The following MFSD8 variants were observed in gnomAD, a reference collection of about 807,000 sequenced individuals.
MFSD8 encodes the protein major facilitator superfamily domain containing 8.
A neutral mutation model predicts 66.4 loss-of-function variants in MFSD8; 55 were observed. That is an observed-to-expected ratio of 0.83 (90% confidence interval 0.67 to 1.04). The LOEUF is 1.04. Ranked by LOEUF, MFSD8 falls within the 50% of genes least tolerant of loss-of-function variation. MFSD8 has a pLI of 0.00. For synonymous variants in MFSD8, 202 were observed against 212.8 expected, an observed-to-expected ratio of 0.95 and a Z score of 0.44; for missense variants, 550 against 627.6, an observed-to-expected ratio of 0.88 and a Z score of 1.32.
At chr4:127,950,630 T>C (rs1164046582) in intron 2 of MFSD8, among the ~76,000 whole-genome samples, 1 of 151,448 alleles carries the variant, frequency 6.6e-6, no homozygotes, top group Non-Finnish European at 1.5e-5. Context: ...GCGGAGTAGG[T>C]TGTAGTGAGC....
At chr4:127,958,878 G>C (rs1446806339) in intron 1 of MFSD8, among the ~76,000 whole-genome samples, 1 of 152,084 alleles carries the variant, frequency 6.6e-6, no homozygotes, top group South Asian at 2.1e-4. Flanking sequence ...GATAAAATTA[G>C]AAAATAATAA....
intron 9 of MFSD8, among the ~76,000 whole-genome samples, chr4:127,930,458 G>C (rs531414165): frequency 6.6e-6 from 1 of 152,220 alleles, no homozygotes; most frequent in South Asian, 2.1e-4. Context: ...GGAAAACATA[G>C]TAGACAAAAG....
chr4:127,939,750 A>G, intron 6 of MFSD8, 103 bp downstream of exon 6: 1 of 1,332,708 alleles, frequency 7.5e-7, no homozygotes, highest in South Asian at 1.4e-5. Context: ...TATAGACATA[A>G]AAAACTACGT....
At chr4:127,949,713 A>G in intron 3 of MFSD8, 91 bp downstream of exon 3, 1 of 1,055,836 alleles carries the variant, frequency 9.5e-7, no homozygotes, top group South Asian at 1.4e-5. Context: ...TAAACCATAG[A>G]ATACCAAAGA....
intron 9 of MFSD8, among the ~76,000 whole-genome samples, chr4:127,923,270 T>C (rs549975686): frequency 1.3e-5 from 2 of 152,192 alleles, no homozygotes; most frequent in African/African-American, 4.8e-5. Flanking sequence ...GGGTTTGTCA[T>C]AAATAGCGCT....
intron 1 of MFSD8, among the ~76,000 whole-genome samples, chr4:127,960,266 T>C (rs1057318326): frequency 2.0e-5 from 3 of 152,218 alleles, no homozygotes; most frequent in Non-Finnish European, 4.4e-5. Flanking sequence ...CAGTGGCTCA[T>C]GCCTGTAATC....
chr4:127,960,654 A>G lies in MFSD8; in HGVS notation c.63-3062T>C, dbSNP rs140315740. Among the ~76,000 whole-genome samples, 1,319 of 152,348 alleles carry G rather than the reference A, an allele frequency of 8.7e-3. 23 individuals are homozygous for G. Among genetic ancestry groups the G allele is most frequent in the African/African-American group, 0.03 (1,234 of 41,574 alleles). ...CTATAAAGATATGCCCTATAAGGACAGATGCCCTAATAATACAAATTTTAC... is the reference window on the plus strand; with the variant it reads ...CTATAAAGATATGCCCTATAAGGACGGATGCCCTAATAATACAAATTTTAC... On this transcript the variant is annotated intron_variant, in intron 1 of 11. Transcript: ENST00000641686.
chr4:127,947,898 A>ACACACACTCTCT (rs777137519), intron 3 of MFSD8, among the ~76,000 whole-genome samples: 7 of 146,940 alleles, frequency 4.8e-5, no homozygotes, highest in African/African-American at 1.8e-4. Context: ...ACACACACAC[A>ACACACACTCTCT]CTCTCTCTCC....
intron 7 of MFSD8, among the ~76,000 whole-genome samples, chr4:127,936,434 A>T (rs1739087461): frequency 6.6e-6 from 1 of 151,586 alleles, no homozygotes; most frequent in African/African-American, 2.4e-5. Flanking sequence ...TAATACTAAA[A>T]GTTATTTGTT....
chr4:127,965,491 G>A (rs1744975516), upstream of MFSD8: 3 of 395,634 alleles, frequency 7.6e-6, no homozygotes, highest in South Asian at 4.9e-5. Flanking sequence ...TCCTGGAAAG[G>A]TTACCGGAGC....
intron 3 of MFSD8, among the ~76,000 whole-genome samples, chr4:127,949,326 CT>C (rs1741567542): frequency 6.6e-6 from 1 of 152,188 alleles, no homozygotes; most frequent in Admixed American, 6.5e-5. Context: ...ATGTCACCCC[CT>C]CTTCCCCTTC....
chr4:127,957,670 T>C lies in MFSD8; in HGVS notation c.63-78A>G, dbSNP rs1253582414. ...CTTAAGTGTCAACAGTTTTATTCTCTAGTTATGAAAATGATGTGATAGAGG... is the reference window on the plus strand; with the variant it reads ...CTTAAGTGTCAACAGTTTTATTCTCCAGTTATGAAAATGATGTGATAGAGG... On this transcript the variant is annotated intron_variant, in intron 1 of 11. Coordinates refer to ENST00000641686, the MANE Select transcript of MFSD8 (RefSeq NM_001371596.2). The C allele has an allele frequency of 4.1e-6, 4 of 977,578 alleles. No individual in the cohort carries two copies. In the East Asian group the frequency reaches 9.6e-5, roughly 23 times the overall value. The allele number at this position is 977,578 out of a possible 1,614,324, so 60.6% of individuals were successfully genotyped here.
At chr4:127,934,571 G>GCATT in intron 7 of MFSD8, 1 of 142,638 alleles carries the variant, frequency 7.0e-6, no homozygotes, top group African/African-American at 2.8e-5. Context: ...AATAAGCCAG[G>GCATT]TATTTTTTTT....
chr4:127,960,723 A>G (rs547607541), intron 1 of MFSD8, among the ~76,000 whole-genome samples: 9 of 152,312 alleles, frequency 5.9e-5, no homozygotes, highest in African/African-American at 2.2e-4. Context: ...AATCATTTGT[A>G]ACTTGGATCA....
At chr4:127,954,366 A>G (rs1039187165) in intron 2 of MFSD8, among the ~76,000 whole-genome samples, 1 of 152,218 alleles carries the variant, frequency 6.6e-6, no homozygotes, top group African/African-American at 2.4e-5. Flanking sequence ...CTGTAATCCC[A>G]GCACTTTGGG....
chr4:127,953,728 C>G (rs1742421857), intron 2 of MFSD8, among the ~76,000 whole-genome samples: 1 of 151,780 alleles, frequency 6.6e-6, no homozygotes, highest in Admixed American at 6.6e-5. Context: ...CGTGATCCGC[C>G]CGCCTCAGCC....
chr4:127,938,937 T>G (rs926506201), intron 6 of MFSD8, 99 bp from the exon 7 acceptor site: 3 of 880,836 alleles, frequency 3.4e-6, no homozygotes, highest in Non-Finnish European at 5.4e-6. Context: ...CATTCTAATA[T>G]AGTTTCTTTT....
Position 127,957,496 on chromosome 4 carries a change from C to T in MFSD8, c.154+5G>A. 6.3e-7 allele frequency: 1 copy of T among 1,575,516 alleles called. No individual in the cohort carries two copies. On this transcript the variant is annotated splice_donor_5th_base_variant and intron_variant, in intron 2 of 11. Transcript: ENST00000641686. ...TTGTTAAAATTATGTATTTCTAATA[C>T]TTACCTACACTGCTGAGAAACATAG...
chr4:127,965,610 A>C (rs1328974102), upstream of MFSD8: 3 of 233,258 alleles, frequency 1.3e-5, no homozygotes, highest in Admixed American at 5.2e-5. Flanking sequence ...GCGGCCAGTA[A>C]GTAGCCGGTC....
Sources: gnomAD v4.1 joint callset for allele counts (sites outside exome capture counted in the v4.1 genomes callset) on GRCh38, gnomAD v4.1.1 for gene constraint, MANE v1.5 for transcripts, NCBI Gene and HGNC (gene_info 2026-07-23, HGNC 2026-07-21) for gene names.